Variants in TAFA4 observed in about 807,000 individuals in gnomAD.
TAFA4 encodes the protein TAFA chemokine like family member 4.
Under a neutral mutation model 21.1 loss-of-function variants are expected in TAFA4, and 20 were observed. That is an observed-to-expected ratio of 0.95 (90% CI 0.67 to 1.38). The LOEUF is 1.38. TAFA4 is among the 40% of genes most tolerant of loss of function. The pLI, the probability that TAFA4 is intolerant of heterozygous loss-of-function variation, is 0.00. For synonymous variants in TAFA4, 71 were observed against 67.4 expected (o/e 1.05, Z -0.26); for missense variants, 211 against 180.9 (o/e 1.17, Z -0.95).
At chr3:68,812,813 C>A (rs1037176156) in intron 3 of TAFA4, among the ~76,000 whole-genome samples, 2 of 152,136 alleles carry the variant, frequency 1.3e-5, no homozygotes, top group African/African-American at 2.4e-5. Flanking sequence ...CTCAGCTCTG[C>A]ACCAAGCAGA....
At chr3:68,817,985 G>A (rs1335751897) in intron 3 of TAFA4, among the ~76,000 whole-genome samples, 3 of 152,132 alleles carry the variant, frequency 2.0e-5, no homozygotes, top group Non-Finnish European at 2.9e-5. Context: ...AAGCTTTGGA[G>A]CCTAGCAGTG....
chr3:68,848,633 C>T (rs1228767941), intron 3 of TAFA4, among the ~76,000 whole-genome samples: 1 of 152,176 alleles, frequency 6.6e-6, no homozygotes, highest in African/African-American at 2.4e-5. Context: ...AATATCATTA[C>T]TTTCTTCCCA....
intron 3 of TAFA4, among the ~76,000 whole-genome samples, chr3:68,836,558 T>C (rs1214391468): frequency 1.3e-5 from 2 of 152,182 alleles, no homozygotes; most frequent in Non-Finnish European, 2.9e-5. Context: ...AAGTCAGAAA[T>C]CATAAAATAA....
intron 3 of TAFA4, among the ~76,000 whole-genome samples, chr3:68,800,527 G>C (rs1364612385): frequency 6.6e-6 from 1 of 152,182 alleles, no homozygotes; most frequent in Non-Finnish European, 1.5e-5. Flanking sequence ...CCATGGAGTG[G>C]ACGTTACCCA....
At chr3:68,864,424 A>G (rs985776192) in intron 3 of TAFA4, among the ~76,000 whole-genome samples, 1 of 152,152 alleles carries the variant, frequency 6.6e-6, no homozygotes, top group Non-Finnish European at 1.5e-5. Flanking sequence ...AAAAATGGCT[A>G]AAATTAAAGA....
intron 1 of TAFA4, among the ~76,000 whole-genome samples, chr3:68,914,636 T>C (rs1449533595): frequency 1.3e-5 from 2 of 152,214 alleles, no homozygotes; most frequent in African/African-American, 2.4e-5. Flanking sequence ...AGACCAAATA[T>C]GTCTACTTCA....
chr3:68,795,362 A>G (rs1703436732), intron 3 of TAFA4, among the ~76,000 whole-genome samples: 1 of 151,808 alleles, frequency 6.6e-6, no homozygotes, highest in African/African-American at 2.4e-5. Context: ...CCCCATTCTC[A>G]ATCTTCTGGT....
intron 3 of TAFA4, among the ~76,000 whole-genome samples, chr3:68,776,579 T>G (rs2106790185): frequency 6.6e-6 from 1 of 152,276 alleles, no homozygotes; most frequent in South Asian, 2.1e-4. Context: ...TTCCCCCTTC[T>G]CTCTGCAACT....
chr3:68,796,217 C>T (rs1460736270), intron 3 of TAFA4, among the ~76,000 whole-genome samples: 1 of 152,002 alleles, frequency 6.6e-6, no homozygotes, highest in Non-Finnish European at 1.5e-5. Context: ...GCATATATAA[C>T]AATGATTAGG....
intron 3 of TAFA4, among the ~76,000 whole-genome samples, chr3:68,853,707 C>T (rs1270179858): frequency 6.6e-6 from 1 of 152,064 alleles, no homozygotes; most frequent in East Asian, 1.9e-4. Context: ...CTGCTAGAGG[C>T]AAAGAAAGGC....
chr3:68,874,783 TACACAC>T (rs10574878), intron 3 of TAFA4, among the ~76,000 whole-genome samples: 3 of 149,538 alleles, frequency 2.0e-5, no homozygotes, highest in African/African-American at 7.4e-5. Context: ...ACCCTTTCTT[TACACAC>T]ACACACACAC....
intron 5 of TAFA4, among the ~76,000 whole-genome samples, chr3:68,734,873 T>C (rs1019332461): frequency 1.3e-5 from 2 of 152,144 alleles, no homozygotes; most frequent in East Asian, 1.9e-4. Context: ...CGGGATGTAA[T>C]TGTCAAAAGC....
chr3:68,885,419 T>G, intron 1 of TAFA4, 109 bp from the exon 2 acceptor site: 2 of 536,190 alleles, frequency 3.7e-6, no homozygotes, highest in Non-Finnish European at 3.3e-6. Flanking sequence ...ACACCTGCAG[T>G]TTCAGGCAAG....
chr3:68,922,657 C>T (rs1387183638), intron 1 of TAFA4, among the ~76,000 whole-genome samples: 1 of 152,158 alleles, frequency 6.6e-6, no homozygotes, highest in African/African-American at 2.4e-5. Context: ...GATCCTGAGT[C>T]TTTTGTAGAT....
intron 3 of TAFA4, among the ~76,000 whole-genome samples, chr3:68,792,140 A>G (rs1199381362): frequency 6.6e-6 from 1 of 152,200 alleles, no homozygotes; most frequent in Non-Finnish European, 1.5e-5. Flanking sequence ...TTGCAAGCTC[A>G]TTTCACTCAT....
chr3:68,792,982 G>C (rs916099829), intron 3 of TAFA4, among the ~76,000 whole-genome samples: 1 of 152,172 alleles, frequency 6.6e-6, no homozygotes, highest in Non-Finnish European at 1.5e-5. Context: ...TTATACAGCT[G>C]TGCTACTGCT....
At chr3:68,757,925 A>ATT (rs908364376) in intron 3 of TAFA4, among the ~76,000 whole-genome samples, 1 of 150,070 alleles carries the variant, frequency 6.7e-6, no homozygotes, top group Non-Finnish European at 1.5e-5. Flanking sequence ...TACTGTTTGA[A>ATT]TTTTTTTTTT....
At chr3:68,809,379 C>T (rs1036994242) in intron 3 of TAFA4, among the ~76,000 whole-genome samples, 7 of 152,170 alleles carry the variant, frequency 4.6e-5, no homozygotes, top group African/African-American at 1.7e-4. Flanking sequence ...TTAAAGTTCA[C>T]TATAACAGTA....
intron 3 of TAFA4, among the ~76,000 whole-genome samples, chr3:68,763,585 C>T (rs535457849): frequency 1.3e-5 from 2 of 152,154 alleles, no homozygotes; most frequent in African/African-American, 4.8e-5. Flanking sequence ...ATTCCTCAGT[C>T]GCTTACCTTA....
Sources: gnomAD v4.1 joint callset for allele counts (sites outside exome capture counted in the v4.1 genomes callset) on GRCh38, gnomAD v4.1.1 for gene constraint, MANE v1.5 for transcripts, NCBI Gene and HGNC (gene_info 2026-07-23, HGNC 2026-07-21) for gene names.